SLC4A10: variants seen among roughly 807,000 people sequenced by gnomAD.
The protein encoded by SLC4A10 is sodium-driven chloride bicarbonate exchanger.
A neutral mutation model predicts 137.7 loss-of-function variants in SLC4A10; 42 were observed. That is an observed-to-expected ratio of 0.30 (90% CI 0.24 to 0.39). The LOEUF is 0.39. Among genes scored for constraint, SLC4A10 ranks in the 10% least tolerant of loss-of-function variants. The pLI is 1.00. For missense variants in SLC4A10, 925 were observed against 1,355.0 expected, an observed-to-expected ratio of 0.68 and a Z score of 4.98; for synonymous variants, 474 against 464.1, an observed-to-expected ratio of 1.02 and a Z score of -0.27.
At chr2:161,693,116 TTC>T (rs1297999700) in intron 1 of SLC4A10, among the ~76,000 whole-genome samples, 1 of 152,024 alleles carries the variant, frequency 6.6e-6, no homozygotes, top group Non-Finnish European at 1.5e-5. Context: ...TCACTTTAAA[TTC>T]TGTTATGATT....
At chr2:161,806,346 C>T (rs982744456) in intron 3 of SLC4A10, among the ~76,000 whole-genome samples, 7 of 152,104 alleles carry the variant, frequency 4.6e-5, no homozygotes. Context: ...ACATTTGGCT[C>T]CTCATTACTT....
intron 11 of SLC4A10, among the ~76,000 whole-genome samples, chr2:161,896,403 T>G (rs1219772346): frequency 1.3e-5 from 2 of 152,134 alleles, no homozygotes; most frequent in African/African-American, 4.8e-5. Context: ...GCAGGCTCTT[T>G]TTTAGTTCCA....
intron 1 of SLC4A10, among the ~76,000 whole-genome samples, chr2:161,705,081 T>C (rs979701926): frequency 6.6e-6 from 1 of 151,692 alleles, no homozygotes; most frequent in Non-Finnish European, 1.5e-5. Flanking sequence ...AAAATCTTTA[T>C]GATAAAAGTA....
At chr2:161,695,918 A>C (rs1434719996) in intron 1 of SLC4A10, among the ~76,000 whole-genome samples, 3 of 151,912 alleles carry the variant, frequency 2.0e-5, no homozygotes, top group Non-Finnish European at 4.4e-5. Flanking sequence ...TTTCTTTTTT[A>C]TTTTTTTATT....
chr2:161,872,401 C>G lies in SLC4A10; in HGVS notation c.858+17C>G, dbSNP rs778019616. 1.3e-6 allele frequency: 2 copies of G among 1,598,332 alleles called. No homozygotes were observed. The highest frequency in any genetic ancestry group is 1.7e-6 in the Non-Finnish European group (2 of 1,166,392). ...TTTAGCAAGGTGAGCTTTTCTCCCT[C>G]TCATCTAAGTAAGTTGCTAAATTAC... On this transcript the variant is annotated intron_variant, in intron 7 of 26. Coordinates refer to ENST00000446997, the MANE Select transcript of SLC4A10 (RefSeq NM_001178015.2).
intron 19 of SLC4A10, among the ~76,000 whole-genome samples, chr2:161,953,347 C>T (rs911297397): frequency 6.6e-6 from 1 of 152,120 alleles, no homozygotes; most frequent in Non-Finnish European, 1.5e-5. Context: ...CAGTGGCTCA[C>T]GCCTGTAATC....
intron 4 of SLC4A10, among the ~76,000 whole-genome samples, chr2:161,843,141 A>T (rs1459941948): frequency 6.6e-6 from 1 of 152,176 alleles, no homozygotes; most frequent in African/African-American, 2.4e-5. Context: ...TCTTACAGTG[A>T]TTGGTGATTT....
In SLC4A10 at chr2:161,872,190, T is replaced by C. The variant is rs565924311; in HGVS notation, c.767-103T>C. Reference sequence around the variant, plus strand: ...CTTCATTCTTACATCATAAATTTATTAAGAAACCTGTTAGTCTAGTTTAAT... The same window carrying C: ...CTTCATTCTTACATCATAAATTTATCAAGAAACCTGTTAGTCTAGTTTAAT... On this transcript the variant is annotated intron_variant, in intron 6 of 26. Transcript: ENST00000446997. The C allele has an allele frequency of 8.9e-6, 6 of 677,342 alleles. No homozygotes were observed. In the South Asian group the frequency reaches 1.7e-4, roughly 19 times the overall value. 42.0% of individuals were successfully genotyped at this position (677,342 alleles called of 1,614,324 possible).
intron 1 of SLC4A10, among the ~76,000 whole-genome samples, chr2:161,632,981 G>C (rs985148319): frequency 1.3e-5 from 2 of 151,378 alleles, no homozygotes; most frequent in Admixed American, 1.3e-4. Flanking sequence ...CTATTACTTT[G>C]CAATATTGTG....
chr2:161,869,293 C>A (rs2060962863), intron 6 of SLC4A10, among the ~76,000 whole-genome samples: 1 of 151,548 alleles, frequency 6.6e-6, no homozygotes, highest in Non-Finnish European at 1.5e-5. Flanking sequence ...TTTATTGATT[C>A]TTCTTATGTA....
At chr2:161,636,903 G>T (rs1192188648) in intron 1 of SLC4A10, among the ~76,000 whole-genome samples, 1 of 149,810 alleles carries the variant, frequency 6.7e-6, no homozygotes, top group African/African-American at 2.4e-5. Flanking sequence ...TATTTGTAGA[G>T]ACAGGGTCTC....
chr2:161,665,952 T>A (rs1234362285), intron 1 of SLC4A10, among the ~76,000 whole-genome samples: 2 of 148,162 alleles, frequency 1.3e-5, no homozygotes, highest in East Asian at 1.9e-4. Flanking sequence ...ATATATATAA[T>A]ATATAAAGAC....
At chr2:161,854,843 T>A in intron 4 of SLC4A10, 127 bp from the exon 5 acceptor site, 2 of 869,528 alleles carry the variant, frequency 2.3e-6, no homozygotes, top group Non-Finnish European at 3.2e-6. Context: ...AGCTTTTATA[T>A]ACTTCCAAAA....
At chr2:161,743,525 T>G (rs1392037310) in intron 1 of SLC4A10, among the ~76,000 whole-genome samples, 1 of 152,220 alleles carries the variant, frequency 6.6e-6, no homozygotes, top group East Asian at 1.9e-4. Context: ...ACTATAGCTC[T>G]ATAATATAAT....
rs1453021414 is a variant in SLC4A10 at position 161,964,147 on chromosome 2, A to T, written c.2875A>T (p.Ile959Leu). 4 of 1,608,576 alleles carry T rather than the reference A, an allele frequency of 2.5e-6. No homozygotes were observed. The African/African-American group carries it at 5.3e-5, about 21-fold the overall frequency. ...TTTAATCTTTTAGTTCTTTGATAGG[A>T]TAAAGCTCTTCTGGATGCCGGCAAA... ...SLKGIQFFDR[I>L]KLFWMPAKHQ... Residue 959 changes from isoleucine to leucine, a missense_variant, in exon 22 of 27, where the codon ATA (isoleucine) becomes TTA (leucine). This residue lies in a region of SLC4A10 where 115 missense variants were observed against 237.5 expected (regional missense o/e 0.48). Coordinates refer to ENST00000446997, the MANE Select transcript of SLC4A10 (RefSeq NM_001178015.2).
intron 1 of SLC4A10, among the ~76,000 whole-genome samples, chr2:161,741,991 C>T (rs1054377000): frequency 3.9e-5 from 6 of 152,160 alleles, no homozygotes; most frequent in Non-Finnish European, 8.8e-5. Context: ...CATTTTCCAG[C>T]CTCTGGTAGC....
intron 3 of SLC4A10, among the ~76,000 whole-genome samples, chr2:161,827,739 G>A (rs747224983): frequency 1.3e-4 from 20 of 151,936 alleles, no homozygotes; most frequent in Non-Finnish European, 2.4e-4. Flanking sequence ...CTAATTTTTT[G>A]TATTTTTAGT....
intron 4 of SLC4A10, 63 bp from the exon 5 acceptor site, chr2:161,854,907 G>T (rs1004843939): frequency 2.1e-6 from 3 of 1,410,276 alleles, no homozygotes; most frequent in African/African-American, 2.9e-5. Context: ...TTTTATTTTT[G>T]GTATAAAGGA....
intron 3 of SLC4A10, among the ~76,000 whole-genome samples, chr2:161,821,463 C>G (rs545543773): frequency 6.6e-6 from 1 of 152,250 alleles, no homozygotes; most frequent in Non-Finnish European, 1.5e-5. Context: ...GAGAAATATT[C>G]TATTAACTTA....
Sources: gnomAD v4.1 joint callset for allele counts (sites outside exome capture counted in the v4.1 genomes callset) on GRCh38, gnomAD v4.1.1 for gene constraint, gnomAD v4.1.1 regional missense constraint, MANE v1.5 for transcripts, NCBI Gene and HGNC (gene_info 2026-07-23, HGNC 2026-07-21) for gene names.